The following HELLS variants were observed in gnomAD, a reference collection of about 807,000 sequenced individuals.
The protein encoded by HELLS is lymphoid-specific helicase.
HELLS carries 32 observed loss-of-function variants against 120.0 expected under a neutral mutation model. The observed-to-expected ratio is 0.27, with a 90% confidence interval of 0.20 to 0.36. The LOEUF (loss-of-function observed/expected upper bound fraction) is 0.36. Ranked by LOEUF, HELLS falls within the 10% of genes least tolerant of loss-of-function variation. The pLI, the probability that HELLS is intolerant of heterozygous loss-of-function variation, is 1.00. For synonymous variants in HELLS, 341 were observed against 323.4 expected (o/e 1.05, Z -0.58); for missense variants, 650 against 993.4 (o/e 0.65, Z 4.65).
At chr10:94,575,022 C>G (rs1242185245) in intron 9 of HELLS, among the ~76,000 whole-genome samples, 1 of 150,576 alleles carries the variant, frequency 6.6e-6, no homozygotes. Flanking sequence ...AAAAATTCTG[C>G]TTGTTCTTCA....
chr10:94,545,815 CG>C lies in HELLS; in HGVS notation c.-102del. The C allele has an allele frequency of 7.7e-7, 1 of 1,296,134 alleles. No individual in the cohort carries two copies. Among genetic ancestry groups the C allele is most frequent in the Non-Finnish European group, 1.1e-6 (1 of 914,042 alleles). 80.3% of individuals were successfully genotyped at this position (1,296,134 alleles called of 1,614,324 possible). A position where few individuals can be genotyped will look rare whatever the true frequency, so the allele number is the denominator to read the frequency against. On this transcript the variant is annotated 5_prime_UTR_variant, in exon 1 of 22. Coordinates refer to ENST00000348459, the MANE Select transcript of HELLS (RefSeq NM_018063.5). ...AGGAGAAGCGCGCTTTTTTCCCTGG[CG>C]GGGGATTTGGCTAGAAGGCTGGGCC...
At chr10:94,562,236 C>G (rs1203301587) in intron 4 of HELLS, among the ~76,000 whole-genome samples, 1 of 151,834 alleles carries the variant, frequency 6.6e-6, no homozygotes, top group Non-Finnish European at 1.5e-5. Context: ...AACCCCATCT[C>G]TACTAAAAAT....
chr10:94,600,692 C>T (rs150568220), intron 21 of HELLS, among the ~76,000 whole-genome samples: 1,527 of 152,100 alleles, frequency 0.01, 12 homozygotes, highest in Non-Finnish European at 0.013. Context: ...TAACAATCCA[C>T]GTGTTCAAAA....
At chr10:94,594,405 G>A (rs948701089) in intron 18 of HELLS, among the ~76,000 whole-genome samples, 6 of 152,178 alleles carry the variant, frequency 3.9e-5, no homozygotes, top group South Asian at 4.1e-4. Context: ...CGCTGGTCTT[G>A]TATCCTCATA....
chr10:94,595,286 G>C (rs555478864), intron 19 of HELLS, among the ~76,000 whole-genome samples: 1 of 152,066 alleles, frequency 6.6e-6, no homozygotes, highest in Non-Finnish European at 1.5e-5. Context: ...TGGGGAATTT[G>C]GGAGCCTAAA....
At chr10:94,566,884 A>G (rs1843827104) in intron 6 of HELLS, among the ~76,000 whole-genome samples, 1 of 151,866 alleles carries the variant, frequency 6.6e-6, no homozygotes, top group Admixed American at 6.6e-5. Context: ...CAAACTCCTG[A>G]CCCGAAGTGA....
At chr10:94,557,795 T>A (rs938380813) in intron 3 of HELLS, among the ~76,000 whole-genome samples, 1 of 152,240 alleles carries the variant, frequency 6.6e-6, no homozygotes, top group Non-Finnish European at 1.5e-5. Flanking sequence ...GGGCTCTGTT[T>A]GGATTTTTCT....
chr10:94,608,737 C>G (rs1846156042), intron 9 of HELLS, among the ~76,000 whole-genome samples: 1 of 151,880 alleles, frequency 6.6e-6, no homozygotes, highest in Admixed American at 6.6e-5. Context: ...TCTCACTGAG[C>G]CTTCTGAGCA....
At chr10:94,559,773 ATAT>A (rs1181749262) in intron 4 of HELLS, among the ~76,000 whole-genome samples, 1 of 152,090 alleles carries the variant, frequency 6.6e-6, no homozygotes, top group Non-Finnish European at 1.5e-5. Context: ...ATCAACATAT[ATAT>A]TAAATAAGAT....
intron 5 of HELLS, 35 bp downstream of exon 5, chr10:94,562,762 G>A (rs967235712): frequency 8.4e-6 from 13 of 1,549,858 alleles, no homozygotes; most frequent in Non-Finnish European, 9.7e-6. Flanking sequence ...AAGAATATGC[G>A]TTTATATTTC....
chr10:94,557,267 T>C, intron 3 of HELLS: 1 of 314,518 alleles, frequency 3.2e-6, no homozygotes, highest in Non-Finnish European at 6.6e-6. Flanking sequence ...AATTATCAAT[T>C]TAAATTTTGC....
intron 7 of HELLS, among the ~76,000 whole-genome samples, chr10:94,573,558 C>G (rs932143950): frequency 6.6e-6 from 1 of 151,920 alleles, no homozygotes; most frequent in African/African-American, 2.4e-5. Context: ...CCTTGACTTC[C>G]TGGGTTTAAG....
chr10:94,577,949 GC>G (rs1844590438), intron 10 of HELLS, among the ~76,000 whole-genome samples: 1 of 152,064 alleles, frequency 6.6e-6, no homozygotes, highest in Non-Finnish European at 1.5e-5. Flanking sequence ...TGTAGTCCCA[GC>G]TACTCGGGAG....
chr10:94,582,465 G>A (rs1472726740), intron 11 of HELLS, among the ~76,000 whole-genome samples: 1 of 152,006 alleles, frequency 6.6e-6, no homozygotes, highest in African/African-American at 2.4e-5. Context: ...TTATTAATCT[G>A]CATGCTCATA....
chr10:94,564,682 G>A (rs77223105), intron 6 of HELLS, among the ~76,000 whole-genome samples: 1,814 of 151,960 alleles, frequency 0.012, 55 homozygotes, highest in African/African-American at 0.042. Context: ...CGCGATCTCG[G>A]CTCACTGCTA....
At chr10:94,612,366 C>A (rs2134147375) in exon 10 of HELLS, 1 of 152,294 alleles carries the variant, frequency 6.6e-6, no homozygotes, top group African/African-American at 2.4e-5. Flanking sequence ...TGATCACTAT[C>A]AAGATGTGGT....
At chr10:94,566,115 A>G (rs1386242335) in intron 6 of HELLS, among the ~76,000 whole-genome samples, 1 of 151,874 alleles carries the variant, frequency 6.6e-6, no homozygotes, top group East Asian at 1.9e-4. Context: ...CTGGCCTCGA[A>G]TTTTTGGGCT....
In HELLS at chr10:94,597,043, A is replaced by C; in HGVS notation, c.2354A>C (p.Lys785Thr). The C allele has an allele frequency of 6.3e-7, 1 of 1,583,572 alleles. No homozygotes were observed. The highest frequency in any genetic ancestry group is 2.2e-5 in the East Asian group (1 of 44,616). Residue 785 changes from lysine (K) to threonine (T), a missense_variant, in exon 21 of 22, where the codon AAA becomes ACA. Lys to Thr is a moderately conservative substitution (Grantham distance 78, BLOSUM62 -1). Around this residue, in one of 9 missense-constraint regions of HELLS, gnomAD observed 90 missense variants for 109.2 expected, o/e 0.82. Coordinates refer to ENST00000348459, the MANE Select transcript of HELLS (RefSeq NM_018063.5). ...TATTTTGTTTTCTATAGGGAAATAA[A>C]AGGATCAAGAGAGAAGGTCATTAGT... ...LKSRDYEREI[K>T]GSREKVISDK...
At chr10:94,602,850 A>G (rs1443598448), downstream of HELLS, among the ~76,000 whole-genome samples, 3 of 152,186 alleles carry the variant, frequency 2.0e-5, no homozygotes, top group Non-Finnish European at 2.9e-5. Context: ...ATGTTAACCC[A>G]TTACATAAGC....
Sources: allele counts gnomAD v4.1 joint callset (sites outside exome capture counted in the v4.1 genomes callset), GRCh38; gene constraint gnomAD v4.1.1; regional missense constraint gnomAD v4.1.1; transcripts MANE v1.5; gene names NCBI Gene and HGNC (gene_info 2026-07-23, HGNC 2026-07-21).